The following MGST1 variants were observed in gnomAD, a reference collection of about 807,000 sequenced individuals.
MGST1 encodes glutathione S-transferase 12.
Under a neutral mutation model 8.9 loss-of-function variants are expected in MGST1, and 5 were observed. The ratio of observed to expected loss-of-function variants is 0.56; its 90% CI spans 0.29 to 1.19. The LOEUF (loss-of-function observed/expected upper bound fraction) is 1.19, where lower values mean the gene tolerates loss of function less well. Among genes scored for constraint, MGST1 ranks in the 50% most tolerant of loss-of-function variants. The pLI, the probability that MGST1 is intolerant of heterozygous loss-of-function variation, is 0.08. For synonymous variants in MGST1, 54 were observed against 67.8 expected, an observed-to-expected ratio of 0.80 and a Z score of 1.00; for missense variants, 182 against 187.4, an observed-to-expected ratio of 0.97 and a Z score of 0.17.
In MGST1 at chr12:16,545,705, T is replaced by C. The variant is rs16912016; in HGVS notation, n.483-43823T>C. On this transcript the variant is annotated intron_variant and non_coding_transcript_variant, in intron 4 of 4. Transcript: ENST00000538857. Reference sequence around the variant, plus strand: ...AATCCTCTATTCTTGGTACCCTAGATTTACAGGCTCAAATAAATGCCTTCA... The same window carrying C: ...AATCCTCTATTCTTGGTACCCTAGACTTACAGGCTCAAATAAATGCCTTCA... Among the ~76,000 whole-genome samples the C allele has an allele frequency of 8.6e-3, 1,315 of 152,162 alleles. 23 individuals carry two copies. Among genetic ancestry groups the C allele is most frequent in the African/African-American group, 0.03 (1,255 of 41,546 alleles).
chr12:16,355,846 C>T (rs530735935), intron 2 of MGST1, among the ~76,000 whole-genome samples: 2 of 152,274 alleles, frequency 1.3e-5, no homozygotes, highest in South Asian at 4.1e-4. Flanking sequence ...TCCCTTTGGG[C>T]TGCTCTTACA....
chr12:16,357,413 G>C (rs896870848), intron 2 of MGST1, 192 bp from the exon 3 acceptor site: 8 of 498,818 alleles, frequency 1.6e-5, no homozygotes, highest in Non-Finnish European at 2.8e-5. Context: ...GCATGCATGT[G>C]GCCCACTACC....
At chr12:16,399,458 A>C (rs1463827925) in intron 1 of MGST1, 13 of 1,548,276 alleles carry the variant, frequency 8.4e-6, no homozygotes, top group Non-Finnish European at 1.1e-5. Flanking sequence ...CCTCCAGTTC[A>C]TCCCAATCCT....
At chr12:16,425,761 T>C (rs1435849952) in intron 1 of MGST1, among the ~76,000 whole-genome samples, 4 of 152,196 alleles carry the variant, frequency 2.6e-5, no homozygotes, top group Non-Finnish European at 5.9e-5. Flanking sequence ...ACTGCCCCAC[T>C]GGGCATTTCC....
rs1941227971 is a variant in MGST1, at chr12:16,462,495, T to A, written n.482+78891T>A. On this transcript the variant is annotated intron_variant and non_coding_transcript_variant, in intron 4 of 4. Transcript: ENST00000538857. ...ACTCTAAGTCTTTATGAAACCCATC[T>A]TTTTAGAATGTATAAATGCATTAAT... Among the ~76,000 whole-genome samples, 3 of 152,110 alleles carry A rather than the reference T, an allele frequency of 2.0e-5. No individual in the cohort carries two copies. The South Asian group carries it at 6.2e-4, about 32-fold the overall frequency.
chr12:16,590,603 T>TA (rs1285946453), downstream of MGST1, among the ~76,000 whole-genome samples: 1,829 of 148,012 alleles, frequency 0.012, 35 homozygotes, highest in African/African-American at 0.043. Flanking sequence ...ACCTAAGAAT[T>TA]AAAAAAAAAA....
At position 16,583,551 on chromosome 12, in the gene MGST1, G is replaced by A. The variant is rs115730389; in HGVS notation, n.483-5977G>A. Among the ~76,000 whole-genome samples the A allele has an allele frequency of 1.5e-3, 221 of 152,138 alleles. 1 individual carries two copies. Among genetic ancestry groups the A allele is most frequent in the African/African-American group, 5.0e-3 (209 of 41,514 alleles). On this transcript the variant is annotated intron_variant and non_coding_transcript_variant, in intron 4 of 4. Coordinates refer to the MGST1 transcript ENST00000538857. ...AAATTGGCCTTAGAAGGAATAGGAAGACCTCATTCCCATAGATGGGATAAA... is the reference window on the plus strand; with the variant it reads ...AAATTGGCCTTAGAAGGAATAGGAAAACCTCATTCCCATAGATGGGATAAA...
intron 4 of MGST1, among the ~76,000 whole-genome samples, chr12:16,529,584 C>G (rs1941709976): frequency 6.6e-6 from 1 of 152,008 alleles, no homozygotes; most frequent in African/African-American, 2.4e-5. Context: ...ATCTTCCTTA[C>G]TGATATAACC....
intron 4 of MGST1, among the ~76,000 whole-genome samples, chr12:16,476,523 T>C (rs1244566266): frequency 2.0e-5 from 3 of 152,186 alleles, no homozygotes; most frequent in South Asian, 2.1e-4. Context: ...CCAAGACATG[T>C]TCCCTGCCCT....
At chr12:16,540,533 C>A (rs114600318) in intron 4 of MGST1, among the ~76,000 whole-genome samples, 1 of 152,102 alleles carries the variant, frequency 6.6e-6, no homozygotes, top group Non-Finnish European at 1.5e-5. Flanking sequence ...TGGAAGTTTG[C>A]GAATTATTAA....
intron 4 of MGST1, chr12:16,551,346 A>G: frequency 7.0e-7 from 1 of 1,421,372 alleles, no homozygotes; most frequent in East Asian, 2.3e-5. Context: ...ATTTTAAACA[A>G]TAAAATGTGG....
At chr12:16,484,852 G>A (rs1941388750) in intron 4 of MGST1, among the ~76,000 whole-genome samples, 3 of 152,188 alleles carry the variant, frequency 2.0e-5, no homozygotes, top group African/African-American at 7.2e-5. Flanking sequence ...CAGTGATGTT[G>A]TAAGATATTT....
chr12:16,507,191 G>A (rs1488378652), intron 4 of MGST1, among the ~76,000 whole-genome samples: 1 of 152,094 alleles, frequency 6.6e-6, no homozygotes, highest in African/African-American at 2.4e-5. Context: ...AGAAAGCAGA[G>A]GGTTCAAAAC....
downstream of MGST1, among the ~76,000 whole-genome samples, chr12:16,592,368 C>A (rs1414543518): frequency 6.6e-6 from 1 of 151,986 alleles, no homozygotes; most frequent in East Asian, 1.9e-4. Flanking sequence ...AAAATACTGG[C>A]TTATAAATTT....
intron 4 of MGST1, among the ~76,000 whole-genome samples, chr12:16,484,542 T>C (rs543753721): frequency 6.6e-6 from 1 of 152,278 alleles, no homozygotes; most frequent in South Asian, 2.1e-4. Flanking sequence ...CCACAGGCTA[T>C]ACAGGAAGCA....
chr12:16,468,203 C>G (rs554073365), intron 4 of MGST1, among the ~76,000 whole-genome samples: 33 of 152,050 alleles, frequency 2.2e-4, no homozygotes, highest in African/African-American at 7.2e-4. Flanking sequence ...ACAATAAGAA[C>G]GAATGTTATT....
rs750045205 is a variant in MGST1 at position 16,559,812 on chromosome 12, AT to A, written n.483-29714del. On this transcript the variant is annotated intron_variant and non_coding_transcript_variant, in intron 4 of 4. Coordinates refer to the MGST1 transcript ENST00000538857. This position sits in a 1 kb window ranked among gnomAD's most constrained non-coding sequence, Gnocchi z 4.1. ...CTATAAAAAATGAAAAAAAAAAAAA[AT>A]TAGCCAGGCATGGGAGTGCACACCT... is the stretch of plus-strand genomic sequence containing the variant. 6.8e-6 allele frequency among the ~76,000 whole-genome samples: 1 copy of A among 146,018 alleles called. No homozygotes were observed. Among genetic ancestry groups the A allele is most frequent in the African/African-American group, 2.5e-5 (1 of 39,992 alleles).
At chr12:16,418,689 G>T (rs11056929) in intron 1 of MGST1, among the ~76,000 whole-genome samples, 40,067 of 151,980 alleles carry the variant, frequency 0.26, 5,806 homozygotes, top group East Asian at 0.4. Flanking sequence ...CCACCAACTT[G>T]ATATATGTAG....
intron 4 of MGST1, among the ~76,000 whole-genome samples, chr12:16,574,476 C>A (rs977640754): frequency 1.3e-5 from 2 of 152,164 alleles, no homozygotes; most frequent in Admixed American, 1.3e-4. Context: ...ACAGCCCAGA[C>A]TAGCAGGCTG....
Sources: allele counts gnomAD v4.1 joint callset (sites outside exome capture counted in the v4.1 genomes callset), GRCh38; gene constraint gnomAD v4.1.1; non-coding constraint Gnocchi (gnomAD v3.1); transcripts MANE v1.5; gene names NCBI Gene and HGNC (gene_info 2026-07-23, HGNC 2026-07-21).